PIK3C2G: variants seen among roughly 807,000 people sequenced by gnomAD.
PIK3C2G encodes phosphatidylinositol 3-kinase C2 domain-containing subunit gamma.
In PIK3C2G, 168 loss-of-function variants were observed where a neutral mutation model predicts 181.1. The observed-to-expected ratio is 0.93, with a 90% CI of 0.82 to 1.05. The LOEUF (loss-of-function observed/expected upper bound fraction) is 1.05, where lower values mean the gene tolerates loss of function less well. Among genes scored for constraint, PIK3C2G ranks in the 50% least tolerant of loss-of-function variants. PIK3C2G has a pLI of 0.00. For synonymous variants in PIK3C2G, 573 were observed against 592.2 expected (o/e 0.97, Z 0.47); for missense variants, 1,869 against 1,732.8 (o/e 1.08, Z -1.40).
At chr12:18,531,813 G>A (rs1344488506) in intron 24 of PIK3C2G, among the ~76,000 whole-genome samples, 3 of 152,066 alleles carry the variant, frequency 2.0e-5, no homozygotes, top group Admixed American at 6.6e-5. Flanking sequence ...TGCATTTTCT[G>A]GCTATTAAGA....
chr12:18,538,035 T>G (rs565530170), intron 24 of PIK3C2G, 121 bp from the exon 25 acceptor site: 2 of 831,818 alleles, frequency 2.4e-6, no homozygotes, highest in African/African-American at 3.5e-5. Flanking sequence ...AGGAAATTTA[T>G]CTATTACAGT....
At chr12:18,570,320 C>A (rs150235892) in intron 29 of PIK3C2G, among the ~76,000 whole-genome samples, 1 of 147,198 alleles carries the variant, frequency 6.8e-6, no homozygotes, top group Admixed American at 6.7e-5. Flanking sequence ...GCAATTCTCC[C>A]GCCTCAGCCT....
chr12:18,395,115 C>CTTTCTTTCTTTCTT (rs1186287291), intron 15 of PIK3C2G, among the ~76,000 whole-genome samples: 7 of 148,040 alleles, frequency 4.7e-5, no homozygotes, highest in Admixed American at 3.4e-4. Context: ...TTCTTTCTTT[C>CTTTCTTTCTTTCTT]TCTCTTTCCC....
chr12:18,249,664 C>A (rs528168300), intron 1 of PIK3C2G, among the ~76,000 whole-genome samples: 1 of 152,140 alleles, frequency 6.6e-6, no homozygotes, highest in South Asian at 2.1e-4. Flanking sequence ...CCAGATTTAG[C>A]CAAACAGTTG....
At chr12:18,334,051 G>A (rs760521409) in intron 8 of PIK3C2G, among the ~76,000 whole-genome samples, 2 of 152,002 alleles carry the variant, frequency 1.3e-5, no homozygotes, top group Admixed American at 6.6e-5. Flanking sequence ...TTCAAAGTCC[G>A]GGACACATCC....
At chr12:18,688,176 T>C in the PIK3C2G span, 1 of 1,610,932 alleles carries the variant, frequency 6.2e-7, no homozygotes, top group Admixed American at 1.7e-5. Flanking sequence ...TCACCTTTGT[T>C]AGATGATGAA....
intron 28 of PIK3C2G, 131 bp from the exon 29 acceptor site, chr12:18,566,818 G>A (rs755285811): frequency 1.5e-4 from 98 of 649,332 alleles, no homozygotes; most frequent in Middle Eastern, 4.1e-4. Context: ...GATTAATCAC[G>A]TAGACTATGA....
intron 32 of PIK3C2G, among the ~76,000 whole-genome samples, chr12:18,643,830 C>T (rs1446523779): frequency 6.6e-6 from 1 of 152,156 alleles, no homozygotes; most frequent in Admixed American, 6.5e-5. Context: ...TCACTGAGTA[C>T]TGCTGCATCA....
chr12:18,412,763 G>A (rs543986234), intron 16 of PIK3C2G, among the ~76,000 whole-genome samples: 1 of 152,200 alleles, frequency 6.6e-6, no homozygotes, highest in Admixed American at 6.5e-5. Context: ...ATGTAAAAAT[G>A]TCCTGATACC....
At chr12:18,578,845 AAG>A (rs1946354185) in intron 29 of PIK3C2G, among the ~76,000 whole-genome samples, 1 of 152,078 alleles carries the variant, frequency 6.6e-6, no homozygotes, top group African/African-American at 2.4e-5. Flanking sequence ...TTAATAAAAC[AAG>A]AGATTTAACT....
chr12:18,307,821 G>C (rs1238619011), intron 5 of PIK3C2G, among the ~76,000 whole-genome samples: 1 of 151,352 alleles, frequency 6.6e-6, no homozygotes, highest in Admixed American at 6.6e-5. Flanking sequence ...TATCACGTAG[G>C]CCACAGAAGA....
intron 18 of PIK3C2G, among the ~76,000 whole-genome samples, chr12:18,487,383 A>C (rs1224929061): frequency 6.6e-6 from 1 of 152,108 alleles, no homozygotes; most frequent in Non-Finnish European, 1.5e-5. Flanking sequence ...ACAGAGATGC[A>C]AAATTAGGCA....
chr12:18,494,738 A>G (rs1002847396), intron 20 of PIK3C2G, among the ~76,000 whole-genome samples: 2 of 152,164 alleles, frequency 1.3e-5, no homozygotes, highest in African/African-American at 2.4e-5. Context: ...CTAATTCAAT[A>G]CCATGATATA....
At chr12:18,641,501 TTTTCTCTACCACTTA>T (rs571224492) in intron 32 of PIK3C2G, among the ~76,000 whole-genome samples, 307 of 152,164 alleles carry the variant, frequency 2.0e-3, no homozygotes, top group Non-Finnish European at 1.6e-3. Context: ...TTCTCTTCCA[TTTTCTCTACCACTTA>T]TTTCTCTACC....
chr12:18,333,512 C>T (rs965129171), intron 8 of PIK3C2G, among the ~76,000 whole-genome samples: 1 of 152,060 alleles, frequency 6.6e-6, no homozygotes, highest in Non-Finnish European at 1.5e-5. Flanking sequence ...GTTCAACTCC[C>T]ACTTATGAAT....
chr12:18,626,027 T>C (rs944282168), intron 31 of PIK3C2G, among the ~76,000 whole-genome samples: 1 of 151,898 alleles, frequency 6.6e-6, no homozygotes, highest in East Asian at 1.9e-4. Context: ...AAAGTAAGTA[T>C]TGACAGGTAA....
At chr12:18,696,082 C>T in the PIK3C2G span, 1 of 890,532 alleles carries the variant, frequency 1.1e-6, no homozygotes, top group Non-Finnish European at 1.8e-6. Flanking sequence ...ACGAGTTTTT[C>T]ATACATTCAT....
At chr12:18,268,589 A>C (rs1948610747) in intron 1 of PIK3C2G, among the ~76,000 whole-genome samples, 1 of 152,064 alleles carries the variant, frequency 6.6e-6, no homozygotes, top group South Asian at 2.1e-4. Context: ...GACTACATTG[A>C]TTTTTAGATG....
chr12:18,533,036 C>A (rs1022639125), intron 24 of PIK3C2G, among the ~76,000 whole-genome samples: 1 of 152,030 alleles, frequency 6.6e-6, no homozygotes, highest in Non-Finnish European at 1.5e-5. Flanking sequence ...TTACTTGAGT[C>A]CTGACATCCC....
Sources: allele counts gnomAD v4.1 joint callset (sites outside exome capture counted in the v4.1 genomes callset), GRCh38; gene constraint gnomAD v4.1.1; transcripts MANE v1.5; gene names NCBI Gene and HGNC (gene_info 2026-07-23, HGNC 2026-07-21).